WWC1: variants seen among roughly 807,000 people sequenced by gnomAD.
The protein encoded by WWC1 is protein KIBRA.
A neutral mutation model predicts 138.4 loss-of-function variants in WWC1; 55 were observed. That is an observed-to-expected ratio of 0.40 (90% CI 0.32 to 0.50). The LOEUF (loss-of-function observed/expected upper bound fraction) is 0.50, where lower values mean the gene tolerates loss of function less well. Ranked by LOEUF, WWC1 falls within the 20% of genes least tolerant of loss-of-function variation. WWC1 has a pLI of 0.72. For missense variants in WWC1, 1,226 were observed against 1,420.4 expected, an observed-to-expected ratio of 0.86 and a Z score of 2.20; for synonymous variants, 524 against 564.9, an observed-to-expected ratio of 0.93 and a Z score of 1.03.
At chr5:168,412,461 A>G (rs2152842188) in intron 8 of WWC1, among the ~76,000 whole-genome samples, 1 of 152,336 alleles carries the variant, frequency 6.6e-6, no homozygotes, top group East Asian at 1.9e-4. Context: ...AGGAGCATTG[A>G]CATAGGGAAA....
chr5:168,386,917 TG>T (rs1778091270), intron 3 of WWC1, among the ~76,000 whole-genome samples: 2 of 152,220 alleles, frequency 1.3e-5, no homozygotes, highest in Non-Finnish European at 2.9e-5. Flanking sequence ...CCCAAAGTGC[TG>T]GGATTACAGG....
At chr5:168,320,938 T>G (rs923162789) in intron 1 of WWC1, among the ~76,000 whole-genome samples, 1 of 152,206 alleles carries the variant, frequency 6.6e-6, no homozygotes, top group Non-Finnish European at 1.5e-5. Context: ...CTGCTATATA[T>G]AGTTCCTTCA....
chr5:168,389,244 C>T (rs1187887697), intron 3 of WWC1, among the ~76,000 whole-genome samples: 7 of 151,768 alleles, frequency 4.6e-5, no homozygotes, highest in African/African-American at 1.2e-4. Flanking sequence ...GTCAGGAGAT[C>T]GAGACCATCC....
At chr5:168,323,885 C>T (rs1167464021) in intron 1 of WWC1, among the ~76,000 whole-genome samples, 1 of 152,074 alleles carries the variant, frequency 6.6e-6, no homozygotes, top group African/African-American at 2.4e-5. Context: ...CAGGGAATAA[C>T]ACACAGGAGA....
intron 1 of WWC1, among the ~76,000 whole-genome samples, chr5:168,346,005 G>A (rs1166935636): frequency 2.6e-5 from 4 of 151,976 alleles, no homozygotes; most frequent in African/African-American, 9.7e-5. Context: ...TGTGGTGAGA[G>A]AGGCTCTGTC....
chr5:168,454,954 G>A lies in WWC1; in HGVS notation c.2659-402G>A, dbSNP rs147965771. ...CCTTCAGAATTCGATGAAAGCAACC[G>A]TAGTACTTTGCCAGGGCTGTGGAAG... On this transcript the variant is annotated intron_variant, in intron 18 of 22. Transcript: ENST00000265293. Among the ~76,000 whole-genome samples the A allele has an allele frequency of 2.6e-4, 40 of 152,354 alleles. No individual in the cohort carries two copies. The East Asian group carries it at 6.6e-3, about 25-fold the overall frequency.
chr5:168,390,725 C>T (rs1012980530), intron 3 of WWC1, among the ~76,000 whole-genome samples: 1 of 152,240 alleles, frequency 6.6e-6, no homozygotes, highest in Admixed American at 6.5e-5. Flanking sequence ...TGCCACCTGG[C>T]CTTGGCTGCT....
intron 8 of WWC1, among the ~76,000 whole-genome samples, chr5:168,413,869 A>T (rs1780398973): frequency 6.6e-6 from 1 of 152,364 alleles, no homozygotes; most frequent in Non-Finnish European, 1.5e-5. Context: ...CCAATGTTAC[A>T]TACCTAATAA....
intron 1 of WWC1, among the ~76,000 whole-genome samples, chr5:168,314,576 A>G (rs1771406623): frequency 6.7e-6 from 1 of 150,136 alleles, no homozygotes; most frequent in South Asian, 2.1e-4. Context: ...TCAAAAAAAG[A>G]AAAAAAAAGG....
chr5:168,400,904 G>GAAGGA lies in WWC1; in HGVS notation c.590+1350_590+1354dup, dbSNP rs543899436. On this transcript the variant is annotated intron_variant, in intron 5 of 22. Transcript: ENST00000265293. ...GAAGAAAGAAAGGGAGGGAGGGAGG[G>GAAGGA]AAGGAAAGGAAAGGAAAAAGAACGA... is the stretch of plus-strand genomic sequence containing the variant. Among the ~76,000 whole-genome samples the GAAGGA allele has an allele frequency of 3.7e-4, 52 of 139,754 alleles. 1 individual carries two copies. The South Asian group carries it at 0.011, about 30-fold the overall frequency. The allele number at this position is 139,754 out of a possible 152,430, so 91.7% of individuals were successfully genotyped here. A position where few individuals can be genotyped will look rare whatever the true frequency, so the allele number is the denominator to read the frequency against.
chr5:168,349,187 A>G (rs1774726782), intron 1 of WWC1, among the ~76,000 whole-genome samples: 1 of 152,096 alleles, frequency 6.6e-6, no homozygotes, highest in African/African-American at 2.4e-5. Flanking sequence ...AAGTCCTTTC[A>G]TTACCGAATT....
At chr5:168,314,777 G>C (rs1348126823) in intron 1 of WWC1, among the ~76,000 whole-genome samples, 1 of 152,072 alleles carries the variant, frequency 6.6e-6, no homozygotes, top group Non-Finnish European at 1.5e-5. Flanking sequence ...AGCCATTCAC[G>C]GGCTGCAGAG....
chr5:168,332,078 G>A (rs1035263377), intron 1 of WWC1, among the ~76,000 whole-genome samples: 3 of 151,858 alleles, frequency 2.0e-5, no homozygotes, highest in Admixed American at 1.3e-4. Flanking sequence ...CCCAGGAGGT[G>A]GAGGTTGCAG....
chr5:168,405,005 T>A (rs1779673791), intron 5 of WWC1, among the ~76,000 whole-genome samples: 1 of 152,170 alleles, frequency 6.6e-6, no homozygotes, highest in African/African-American at 2.4e-5. Flanking sequence ...TGTACAGTAA[T>A]TCTTAGCTCA....
chr5:168,393,944 G>C (rs958165068), intron 3 of WWC1, among the ~76,000 whole-genome samples: 1 of 152,152 alleles, frequency 6.6e-6, no homozygotes, highest in Non-Finnish European at 1.5e-5. Flanking sequence ...GGGAAAAAAA[G>C]TGCTGAAAAG....
chr5:168,372,334 A>C (rs565851236), intron 2 of WWC1, among the ~76,000 whole-genome samples: 1 of 152,092 alleles, frequency 6.6e-6, no homozygotes, highest in East Asian at 1.9e-4. Flanking sequence ...TGTTCTCTGA[A>C]ATTTGCTGTC....
intron 1 of WWC1, among the ~76,000 whole-genome samples, chr5:168,310,683 A>T (rs537996577): frequency 1.2e-4 from 18 of 152,094 alleles, no homozygotes; most frequent in African/African-American, 3.6e-4. Context: ...AAAAAATAAA[A>T]GAATTAGCCA....
chr5:168,338,729 T>G (rs1327933933), intron 1 of WWC1, among the ~76,000 whole-genome samples: 1 of 152,068 alleles, frequency 6.6e-6, no homozygotes, highest in African/African-American at 2.4e-5. Flanking sequence ...TCAGAAGGGA[T>G]TTTTCCTGCA....
chr5:168,335,650 T>C (rs1403929844), intron 1 of WWC1, among the ~76,000 whole-genome samples: 1 of 152,212 alleles, frequency 6.6e-6, no homozygotes, highest in Non-Finnish European at 1.5e-5. Flanking sequence ...AGTGCTGGGA[T>C]AGAATGGAGA....
Sources: gnomAD v4.1 joint callset for allele counts (sites outside exome capture counted in the v4.1 genomes callset) on GRCh38, gnomAD v4.1.1 for gene constraint, MANE v1.5 for transcripts, NCBI Gene and HGNC (gene_info 2026-07-23, HGNC 2026-07-21) for gene names.